The following STMN2 variants were observed in gnomAD, a reference collection of about 807,000 sequenced individuals.
STMN2 encodes the protein stathmin 2.
STMN2 carries 2 observed loss-of-function variants against 24.1 expected under a neutral mutation model. That is an observed-to-expected ratio of 0.08 (90% CI 0.03 to 0.26). The LOEUF is 0.26. Among genes scored for constraint, STMN2 ranks in the 10% least tolerant of loss-of-function variants. The pLI is 1.00. For missense variants in STMN2, 114 were observed against 213.6 expected, an observed-to-expected ratio of 0.53 and a Z score of 2.91; for synonymous variants, 83 against 77.5, an observed-to-expected ratio of 1.07 and a Z score of -0.37.
chr8:79,628,726 G>C (rs1362017103), intron 1 of STMN2, among the ~76,000 whole-genome samples: 1 of 151,996 alleles, frequency 6.6e-6, no homozygotes, highest in East Asian at 1.9e-4. Context: ...GTGTATACAG[G>C]AGAAAATAAT....
At chr8:79,652,076 G>C in intron 3 of STMN2, among the ~76,000 whole-genome samples, 1 of 152,216 alleles carries the variant, frequency 6.6e-6, no homozygotes, top group East Asian at 1.9e-4. Context: ...TTGCTAAGAA[G>C]AGCATTACCT....
chr8:79,620,945 A>G, intron 1 of STMN2: 1 of 985,182 alleles, frequency 1.0e-6, no homozygotes, highest in Non-Finnish European at 1.2e-6. Flanking sequence ...CCACACTTGG[A>G]GTAGACCTAA....
intron 1 of STMN2, among the ~76,000 whole-genome samples, chr8:79,631,105 C>T (rs141119398): frequency 1.3e-5 from 2 of 152,300 alleles, no homozygotes; most frequent in East Asian, 1.9e-4. Flanking sequence ...ACAGCAGGAG[C>T]TTTAACTGGA....
At chr8:79,636,470 C>G (rs148290476) in intron 1 of STMN2, among the ~76,000 whole-genome samples, 2 of 152,158 alleles carry the variant, frequency 1.3e-5, no homozygotes, top group African/African-American at 4.8e-5. Context: ...GTAATCATGT[C>G]TGCTTCCACT....
chr8:79,632,638 C>T (rs969229118), intron 1 of STMN2, among the ~76,000 whole-genome samples: 1 of 152,184 alleles, frequency 6.6e-6, no homozygotes, highest in African/African-American at 2.4e-5. Flanking sequence ...GATTATGACA[C>T]ATTTTCTCCC....
At chr8:79,644,936 C>T (rs1810186686) in intron 3 of STMN2, among the ~76,000 whole-genome samples, 1 of 152,134 alleles carries the variant, frequency 6.6e-6, no homozygotes, top group Non-Finnish European at 1.5e-5. Flanking sequence ...AGGTGGATCA[C>T]CTGAGATCAG....
chr8:79,644,524 G>C (rs1324515057), intron 3 of STMN2, among the ~76,000 whole-genome samples: 1 of 152,194 alleles, frequency 6.6e-6, no homozygotes, highest in Non-Finnish European at 1.5e-5. Context: ...GTAGTAGTTT[G>C]ATATGCTAGC....
intron 4 of STMN2, 106 bp downstream of exon 4, chr8:79,655,168 T>C: frequency 7.5e-7 from 1 of 1,338,554 alleles, no homozygotes; most frequent in South Asian, 1.4e-5. Flanking sequence ...TTGCTGCAGG[T>C]GTGAGGACAA....
At chr8:79,645,996 C>T (rs919310816) in intron 3 of STMN2, among the ~76,000 whole-genome samples, 8 of 152,142 alleles carry the variant, frequency 5.3e-5, no homozygotes, top group African/African-American at 1.9e-4. Flanking sequence ...TTACTGTAAA[C>T]ATTTTTTTTC....
intron 1 of STMN2, among the ~76,000 whole-genome samples, chr8:79,627,356 G>A (rs988965043): frequency 2.6e-5 from 4 of 152,028 alleles, no homozygotes; most frequent in East Asian, 1.9e-4. Context: ...TTTTTATTGG[G>A]TATGTTTATG....
intron 1 of STMN2, among the ~76,000 whole-genome samples, chr8:79,618,738 G>A (rs970630432): frequency 2.6e-5 from 4 of 152,102 alleles, no homozygotes; most frequent in Non-Finnish European, 4.4e-5. Flanking sequence ...GATAACATTT[G>A]TGTACATTTG....
Position 79,644,260 on chromosome 8 carries a change from A to G in STMN2, c.288+2710A>G, listed in dbSNP as rs1810172053. Among the ~76,000 whole-genome samples, 4 of 152,344 alleles carry G rather than the reference A, an allele frequency of 2.6e-5. No individual in the cohort carries two copies. The South Asian group carries it at 8.3e-4, about 32-fold the overall frequency. On this transcript the variant is annotated intron_variant, in intron 3 of 4. Transcript: ENST00000220876. ...TGGCTACAGCATCAGGAACAGCTGG[A>G]TCCAGGGATCACAGTATTATCAGAA...
rs1585865811 is a variant in STMN2 at position 79,611,133 on chromosome 8, C to G, written c.-63C>G. The G allele has an allele frequency of 2.5e-6, 4 of 1,611,510 alleles. No individual in the cohort carries two copies. The South Asian group carries it at 3.3e-5, about 13-fold the overall frequency. Reference sequence around the variant, plus strand: ...GCCTTATTCAGTCTTCTCTCTCGCTCTCTCCGCTGCTGTAGCCGGACCCTT... The same window carrying G: ...GCCTTATTCAGTCTTCTCTCTCGCTGTCTCCGCTGCTGTAGCCGGACCCTT... On this transcript the variant is annotated 5_prime_UTR_variant, in exon 1 of 5. Transcript: ENST00000220876.
At chr8:79,641,736 G>C (rs1253052414) in intron 3 of STMN2, among the ~76,000 whole-genome samples, 186 bp downstream of exon 3, 1 of 151,762 alleles carries the variant, frequency 6.6e-6, no homozygotes, top group Non-Finnish European at 1.5e-5. Flanking sequence ...AGTAGACACA[G>C]AGCCAGGCTA....
chr8:79,638,501 T>A (rs1212777126), intron 2 of STMN2, among the ~76,000 whole-genome samples: 2 of 152,220 alleles, frequency 1.3e-5, no homozygotes, highest in Non-Finnish European at 2.9e-5. Context: ...GTAGAGAATT[T>A]CAAATTTCTG....
At chr8:79,660,517 C>G (rs1806479844) in intron 4 of STMN2, among the ~76,000 whole-genome samples, 1 of 151,974 alleles carries the variant, frequency 6.6e-6, no homozygotes, top group African/African-American at 2.4e-5. Flanking sequence ...TAGAAAATGT[C>G]AAATGAAAAT....
intron 1 of STMN2, among the ~76,000 whole-genome samples, chr8:79,622,011 TA>T (rs1265160311): frequency 6.6e-6 from 1 of 152,176 alleles, no homozygotes; most frequent in Non-Finnish European, 1.5e-5. Context: ...CAAACGAATG[TA>T]AAATCCTATG....
intron 4 of STMN2, among the ~76,000 whole-genome samples, chr8:79,657,754 A>G (rs1806408728): frequency 6.6e-6 from 1 of 152,218 alleles, no homozygotes; most frequent in Non-Finnish European, 1.5e-5. Context: ...GATTTGATGT[A>G]TATCACATAG....
intron 1 of STMN2, among the ~76,000 whole-genome samples, chr8:79,614,032 T>C (rs1809320504): frequency 6.6e-6 from 1 of 152,180 alleles, no homozygotes; most frequent in Non-Finnish European, 1.5e-5. Flanking sequence ...TTAAGTTTTT[T>C]CCCCTGAAAC....
Sources: gnomAD v4.1 joint callset for allele counts (sites outside exome capture counted in the v4.1 genomes callset) on GRCh38, gnomAD v4.1.1 for gene constraint, MANE v1.5 for transcripts, NCBI Gene and HGNC (gene_info 2026-07-23, HGNC 2026-07-21) for gene names.